ARIH1: variants seen among roughly 807,000 people sequenced by gnomAD.
ARIH1 encodes the protein ariadne RBR E3 ubiquitin protein ligase 1.
A neutral mutation model predicts 85.0 loss-of-function variants in ARIH1; 8 were observed. The observed-to-expected ratio is 0.09, with a 90% CI of 0.06 to 0.17. The LOEUF (loss-of-function observed/expected upper bound fraction) is 0.17. Ranked by LOEUF, ARIH1 falls within the 10% of genes least tolerant of loss-of-function variation. The probability of loss-of-function intolerance (pLI) is 1.00; values close to 1 mark genes in which losing one functional copy is unlikely to be tolerated. For missense variants in ARIH1, 311 were observed against 718.1 expected (o/e 0.43, Z 6.48); for synonymous variants, 238 against 253.6 (o/e 0.94, Z 0.59).
chr15:72,581,963 A>G (rs2064296944), intron 12 of ARIH1, 112 bp from the exon 13 acceptor site: 1 of 661,200 alleles, frequency 1.5e-6, no homozygotes, highest in Non-Finnish European at 2.7e-6. Flanking sequence ...TAAACCACCT[A>G]TGAAAGTTAC....
intron 1 of ARIH1, among the ~76,000 whole-genome samples, chr15:72,510,018 G>A (rs1301006376): frequency 6.6e-6 from 1 of 151,794 alleles, no homozygotes; most frequent in Non-Finnish European, 1.5e-5. Flanking sequence ...CTTAGCTCAA[G>A]TGATCCTCCT....
rs146527269 is a variant in ARIH1, at chr15:72,587,158, G to A, written c.*3866G>A. 5.7e-5 allele frequency: 27 copies of A among 476,300 alleles called. No individual in the cohort carries two copies. Among genetic ancestry groups the A allele is most frequent in the Middle Eastern group, 1.3e-3 (2 of 1,500 alleles). The allele number at this position is 476,300 out of a possible 1,614,324, so 29.5% of individuals were successfully genotyped here. ...GAAATTGCCATTTTTTATAAAGGAG[G>A]AAGATAAGGCTCACTGAGGTTAAAT... On this transcript the variant is annotated 3_prime_UTR_variant, in exon 14 of 14. Transcript: ENST00000379887.
intron 1 of ARIH1, among the ~76,000 whole-genome samples, chr15:72,484,657 A>G (rs764977748): frequency 1.3e-5 from 2 of 151,366 alleles, no homozygotes; most frequent in Non-Finnish European, 1.5e-5. Flanking sequence ...GTGTATATAT[A>G]TATGTGTGTG....
rs142909760 is a variant in ARIH1, at chr15:72,556,786, T to A, written c.737+879T>A. Reference sequence around the variant, plus strand: ...CTCATCTTCATGTGTACTCACTATTTAGCTCTCACTTATAAATGAGAACAT... The same window carrying A: ...CTCATCTTCATGTGTACTCACTATTAAGCTCTCACTTATAAATGAGAACAT... On this transcript the variant is annotated intron_variant, in intron 5 of 13. Transcript: ENST00000379887. Among the ~76,000 whole-genome samples, 747 of 152,352 alleles carry A rather than the reference T, an allele frequency of 4.9e-3. 24 individuals are homozygous for A. The highest frequency in any genetic ancestry group is 0.038 in the Admixed American group (585 of 15,294).
At position 72,594,811 on chromosome 15, in the gene ARIH1, CTTTTTTTTTTTTT is replaced by C. The variant is rs71137306; in HGVS notation, c.*11534_*11546del. On this transcript the variant is annotated 3_prime_UTR_variant, in exon 14 of 14. Coordinates refer to ENST00000379887, the MANE Select transcript of ARIH1 (RefSeq NM_005744.5). The stretch of plus-strand genomic sequence containing the variant: ...TTTTTCTGATTTTATGCCTTTTCTT[CTTTTTTTTTTTTT>C]TTTTTTTTTTTTTTGTCTTTCTCCA... 1.3e-5 allele frequency: 1 copy of C among 79,624 alleles called. No homozygotes were observed. The highest frequency in any genetic ancestry group is 6.1e-5 in the African/African-American group (1 of 16,424). 4.9% of individuals were successfully genotyped at this position (79,624 alleles called of 1,614,324 possible).
At chr15:72,556,446 G>A (rs2064174917) in intron 5 of ARIH1, among the ~76,000 whole-genome samples, 1 of 152,212 alleles carries the variant, frequency 6.6e-6, no homozygotes, top group Non-Finnish European at 1.5e-5. Context: ...CACTTGATAT[G>A]CTCAGTTGTT....
At chr15:72,554,541 C>T (rs1219426553) in intron 3 of ARIH1, among the ~76,000 whole-genome samples, 1 of 151,990 alleles carries the variant, frequency 6.6e-6, no homozygotes, top group Non-Finnish European at 1.5e-5. Flanking sequence ...CATGTGCTAC[C>T]ACACCTGGCT....
chr15:72,580,562 G>C (rs2140440148), intron 11 of ARIH1, 169 bp from the exon 12 acceptor site: 1 of 644,068 alleles, frequency 1.6e-6, no homozygotes, highest in East Asian at 2.8e-5. Flanking sequence ...AGTGTATCAA[G>C]AGTCTCCTTC....
At chr15:72,482,839 C>CTT (rs34753101) in intron 1 of ARIH1, among the ~76,000 whole-genome samples, 9,429 of 132,148 alleles carry the variant, frequency 0.071, 424 homozygotes, top group Middle Eastern at 0.087. Flanking sequence ...CTCTCTCTCT[C>CTT]TTTTTTTTTT....
chr15:72,535,434 A>G (rs552949345), intron 2 of ARIH1, among the ~76,000 whole-genome samples: 1 of 152,296 alleles, frequency 6.6e-6, no homozygotes, highest in South Asian at 2.1e-4. Context: ...ATTCCTACAT[A>G]TAGTTGCTGA....
intron 1 of ARIH1, among the ~76,000 whole-genome samples, chr15:72,494,295 A>G (rs2063871140): frequency 6.6e-6 from 1 of 152,244 alleles, no homozygotes; most frequent in Non-Finnish European, 1.5e-5. Context: ...TTTGTTTCAT[A>G]GTAGAAGCAT....
chr15:72,480,219 G>T (rs534541111), intron 1 of ARIH1, among the ~76,000 whole-genome samples: 5 of 151,518 alleles, frequency 3.3e-5, no homozygotes, highest in Non-Finnish European at 5.9e-5. Flanking sequence ...GTCAGTTATA[G>T]CCCTGGTTTT....
chr15:72,528,983 G>A (rs2064042967), intron 2 of ARIH1, among the ~76,000 whole-genome samples: 1 of 152,142 alleles, frequency 6.6e-6, no homozygotes, highest in African/African-American at 2.4e-5. Context: ...GGCGGATCAT[G>A]AGGTCAGGAG....
At chr15:72,576,300 T>G (rs1206376070) in intron 11 of ARIH1, among the ~76,000 whole-genome samples, 2 of 151,990 alleles carry the variant, frequency 1.3e-5, no homozygotes, top group Non-Finnish European at 2.9e-5. Context: ...GGTCAGGAGA[T>G]GGAGACCATC....
chr15:72,542,605 A>C (rs2064112334), intron 2 of ARIH1, among the ~76,000 whole-genome samples: 1 of 152,216 alleles, frequency 6.6e-6, no homozygotes, highest in South Asian at 2.1e-4. Context: ...TGAAAAATGT[A>C]GACATTTAAA....
intron 2 of ARIH1, among the ~76,000 whole-genome samples, chr15:72,538,966 A>G (rs2064095008): frequency 6.6e-6 from 1 of 152,234 alleles, no homozygotes; most frequent in African/African-American, 2.4e-5. Context: ...CACTAAGGAA[A>G]GGCTGAAGGA....
chr15:72,514,205 C>T (rs1362596207), intron 1 of ARIH1, among the ~76,000 whole-genome samples: 2 of 151,902 alleles, frequency 1.3e-5, no homozygotes, highest in Non-Finnish European at 1.5e-5. Context: ...TTAGTGAATA[C>T]AGAATTCTAG....
chr15:72,580,579 T>A, intron 11 of ARIH1, 152 bp from the exon 12 acceptor site: 1 of 724,438 alleles, frequency 1.4e-6, no homozygotes, highest in Non-Finnish European at 2.2e-6. Context: ...CTTCTTTCTT[T>A]ATCTTTGCCA....
intron 2 of ARIH1, among the ~76,000 whole-genome samples, chr15:72,531,943 G>A (rs543890255): frequency 6.6e-6 from 1 of 152,226 alleles, no homozygotes; most frequent in South Asian, 2.1e-4. Flanking sequence ...CTATTTGTCT[G>A]TTAAAGGGAA....
Sources: allele counts gnomAD v4.1 joint callset (sites outside exome capture counted in the v4.1 genomes callset), GRCh38; gene constraint gnomAD v4.1.1; transcripts MANE v1.5; gene names NCBI Gene and HGNC (gene_info 2026-07-23, HGNC 2026-07-21).